Variants in ARHGAP23 observed in about 807,000 individuals in gnomAD.
ARHGAP23 encodes rho GTPase-activating protein 23.
Under a neutral mutation model 136.3 loss-of-function variants are expected in ARHGAP23, and 34 were observed. The observed-to-expected ratio is 0.25, with a 90% CI of 0.19 to 0.33. The LOEUF (loss-of-function observed/expected upper bound fraction) is 0.33. Ranked by LOEUF, ARHGAP23 falls within the 10% of genes least tolerant of loss-of-function variation. ARHGAP23 has a pLI of 1.00. For missense variants in ARHGAP23, 1,808 were observed against 2,139.0 expected, an observed-to-expected ratio of 0.85 and a Z score of 3.05; for synonymous variants, 832 against 920.5, an observed-to-expected ratio of 0.90 and a Z score of 1.74.
chr17:38,428,902 C>T (rs2038622548), intron 1 of ARHGAP23, among the ~76,000 whole-genome samples: 1 of 152,096 alleles, frequency 6.6e-6, no homozygotes, highest in Non-Finnish European at 1.5e-5. Context: ...AGGCGGGGCG[C>T]CTGCCGCCGT....
Position 38,458,232 on chromosome 17 carries a change from C to A in ARHGAP23, c.194C>A (p.Pro65Gln), listed in dbSNP as rs1311885156. The A allele has an allele frequency of 6.5e-7, 1 of 1,533,966 alleles. No individual in the cohort carries two copies. The highest frequency in any genetic ancestry group is 8.7e-7 in the Non-Finnish European group (1 of 1,145,486). ...ACTCTGCGCCACTTCATCGTGTACC[C>A]ACCCGAGTCGGCCGTGCACTGCAGC... ...GFTLRHFIVYPPESAVHCSLK... is the reference protein window; with the variant it reads ...GFTLRHFIVYQPESAVHCSLK... Residue 65 changes from proline (P) to glutamine (Q), a missense_variant, in exon 2 of 24, where the codon CCA (proline) becomes CAA (glutamine). Coordinates refer to ENST00000622683, the MANE Select transcript of ARHGAP23 (RefSeq NM_001199417.2).
intron 20 of ARHGAP23, among the ~76,000 whole-genome samples, chr17:38,496,906 T>C (rs1307056521): frequency 2.0e-5 from 3 of 151,422 alleles, no homozygotes; most frequent in African/African-American, 4.9e-5. Context: ...TGAGCCAAGA[T>C]TGCACCACTG....
chr17:38,432,679 TA>T (rs553428308), intron 1 of ARHGAP23, among the ~76,000 whole-genome samples: 415 of 142,404 alleles, frequency 2.9e-3, no homozygotes, highest in Non-Finnish European at 3.7e-3. Flanking sequence ...AATGTAGTCT[TA>T]AAAAAAAAAA....
chr17:38,499,165 C>A (rs2040464572), intron 22 of ARHGAP23, among the ~76,000 whole-genome samples: 1 of 152,204 alleles, frequency 6.6e-6, no homozygotes, highest in South Asian at 2.1e-4. Flanking sequence ...TCACTGGGCC[C>A]AGGGCCCTCC....
chr17:38,436,954 C>A lies in ARHGAP23; in HGVS notation c.63+8406C>A, dbSNP rs568643049. Among the ~76,000 whole-genome samples, 12 of 152,336 alleles carry A rather than the reference C, an allele frequency of 7.9e-5. No homozygotes were observed. In the South Asian group the frequency reaches 2.5e-3, roughly 32 times the overall value. On this transcript the variant is annotated intron_variant, in intron 1 of 23. Transcript: ENST00000622683. ...AAAACCAGTTGGTGATATGATTAATCTCCTTTCTCTCATCTGTTTCCAAAT... is the reference window on the plus strand; with the variant it reads ...AAAACCAGTTGGTGATATGATTAATATCCTTTCTCTCATCTGTTTCCAAAT...
chr17:38,444,439 G>A (rs1050891506), intron 1 of ARHGAP23, among the ~76,000 whole-genome samples: 2 of 152,212 alleles, frequency 1.3e-5, no homozygotes, highest in South Asian at 2.1e-4. Context: ...CGTGTGGCGC[G>A]TTGGAATGGG....
chr17:38,463,963 C>T (rs1221278100), intron 6 of ARHGAP23, among the ~76,000 whole-genome samples: 5 of 152,066 alleles, frequency 3.3e-5, no homozygotes, highest in Admixed American at 2.0e-4. Flanking sequence ...CCTCATACAG[C>T]GAAGTGCACC....
At chr17:38,438,047 G>A (rs2038839601) in intron 1 of ARHGAP23, among the ~76,000 whole-genome samples, 2 of 152,222 alleles carry the variant, frequency 1.3e-5, no homozygotes, top group Non-Finnish European at 2.9e-5. Context: ...CTAGGGCCAG[G>A]CACGGTGGCT....
chr17:38,478,559 C>T (rs1429694183), intron 12 of ARHGAP23, among the ~76,000 whole-genome samples: 3 of 151,930 alleles, frequency 2.0e-5, no homozygotes, highest in African/African-American at 4.8e-5. Context: ...GGACTATAGG[C>T]GCATGCCACC....
chr17:38,487,229 C>A (rs2040180167), intron 17 of ARHGAP23, among the ~76,000 whole-genome samples: 1 of 152,204 alleles, frequency 6.6e-6, no homozygotes, highest in Non-Finnish European at 1.5e-5. Flanking sequence ...GTGCAGAGAG[C>A]TCTACCTCAT....
chr17:38,434,723 C>G (rs1337651393), intron 1 of ARHGAP23, among the ~76,000 whole-genome samples: 5 of 151,234 alleles, frequency 3.3e-5, no homozygotes, highest in South Asian at 4.1e-4. Flanking sequence ...GTTTCTGTCT[C>G]CTATCTGACT....
At chr17:38,460,810 C>T (rs926765508) in intron 2 of ARHGAP23, 95 bp from the exon 3 acceptor site, 26 of 1,534,938 alleles carry the variant, frequency 1.7e-5, no homozygotes, top group South Asian at 3.6e-5. Flanking sequence ...TAAGGGGTGG[C>T]GGGAACCTGA....
chr17:38,439,566 C>T (rs1366016639), intron 1 of ARHGAP23, among the ~76,000 whole-genome samples: 1 of 152,202 alleles, frequency 6.6e-6, no homozygotes, highest in African/African-American at 2.4e-5. Context: ...ACTTGTATTG[C>T]GGGCCTCAGG....
Position 38,497,806 on chromosome 17 carries a change from G to A in ARHGAP23, c.3298G>A (p.Glu1100Lys), listed in dbSNP as rs1245341765. ...GCAGTCAGACTGGTTCTTCAGTGAC[G>A]AAGAGGACAAGGGAGAGAGAGTAAG... Reference protein sequence around the residue: ...IQHSDWFFSDEEDKGERTPVG... With the variant: ...IQHSDWFFSDKEDKGERTPVG... The change falls in exon 21 of 24, where the codon GAA becomes AAA. Residue 1100 changes from glutamate to lysine, a missense_variant. Around this residue, in one of 7 missense-constraint regions of ARHGAP23, gnomAD observed 104 missense variants for 131.8 expected, o/e 0.79. Transcript: ENST00000622683. 8.4e-6 allele frequency: 13 copies of A among 1,551,304 alleles called. No homozygotes were observed. The highest frequency in any genetic ancestry group is 1.7e-4 in the Middle Eastern group (1 of 5,732).
intron 1 of ARHGAP23, among the ~76,000 whole-genome samples, chr17:38,441,522 A>T (rs988149104): frequency 1.3e-5 from 2 of 152,148 alleles, no homozygotes; most frequent in Admixed American, 6.5e-5. Flanking sequence ...AAGAGCCCAC[A>T]TAAGGAAACT....
chr17:38,453,460 T>C (rs201045447), intron 1 of ARHGAP23, among the ~76,000 whole-genome samples: 38,096 of 111,850 alleles, frequency 0.34, 6,019 homozygotes, highest in South Asian at 0.43. Flanking sequence ...TGTGTGTGTG[T>C]GCGCGCGCGC....
At chr17:38,428,270 C>T, upstream of ARHGAP23, 1 of 240,314 alleles carries the variant, frequency 4.2e-6, no homozygotes, top group Non-Finnish European at 7.8e-6. Context: ...TCGCCTCTGC[C>T]TCAGCCCGGT....
chr17:38,428,648 G>A (rs2038615240), intron 1 of ARHGAP23, 100 bp downstream of exon 1: 1 of 816,474 alleles, frequency 1.2e-6, no homozygotes. Flanking sequence ...TGCACAGCCT[G>A]GGGCGCACGG....
intron 1 of ARHGAP23, among the ~76,000 whole-genome samples, chr17:38,440,073 G>A (rs1218632654): frequency 6.6e-6 from 1 of 151,846 alleles, no homozygotes; most frequent in Non-Finnish European, 1.5e-5. Flanking sequence ...CCAGGCTGGA[G>A]TGCAATGGCG....
Sources: allele counts gnomAD v4.1 joint callset (sites outside exome capture counted in the v4.1 genomes callset), GRCh38; gene constraint gnomAD v4.1.1; regional missense constraint gnomAD v4.1.1; transcripts MANE v1.5; gene names NCBI Gene and HGNC (gene_info 2026-07-23, HGNC 2026-07-21).